VPS54: variants seen among roughly 807,000 people sequenced by gnomAD.
VPS54 encodes the protein vacuolar protein sorting-associated protein 54.
Under a neutral mutation model 121.5 loss-of-function variants are expected in VPS54, and 45 were observed. That is an observed-to-expected ratio of 0.37 (90% CI 0.29 to 0.47). The LOEUF (loss-of-function observed/expected upper bound fraction) is 0.47. VPS54 is among the 20% of genes least tolerant of loss of function. The pLI, the probability that VPS54 is intolerant of heterozygous loss-of-function variation, is 0.99. For missense variants in VPS54, 1,090 were observed against 1,131.4 expected (o/e 0.96, Z 0.52); for synonymous variants, 371 against 385.8 (o/e 0.96, Z 0.45).
intron 4 of VPS54, among the ~76,000 whole-genome samples, chr2:63,970,631 T>C (rs1480490411): frequency 6.6e-6 from 1 of 152,182 alleles, no homozygotes; most frequent in East Asian, 1.9e-4. Flanking sequence ...TCCCGAACTA[T>C]TCTGACATTA....
chr2:63,994,090 C>T (rs1677465338), intron 1 of VPS54, among the ~76,000 whole-genome samples: 1 of 152,144 alleles, frequency 6.6e-6, no homozygotes, highest in Admixed American at 6.5e-5. Context: ...TCTGTGCCAA[C>T]TCCTTAGAAG....
chr2:63,944,526 C>T (rs1674887869), intron 10 of VPS54, 74 bp downstream of exon 10: 6 of 1,406,420 alleles, frequency 4.3e-6, no homozygotes, highest in African/African-American at 1.4e-5. Flanking sequence ...ACGAAATCTA[C>T]TTCGAATTAT....
intron 1 of VPS54, among the ~76,000 whole-genome samples, chr2:63,986,552 T>C (rs557258732): frequency 3.9e-4 from 60 of 152,370 alleles, no homozygotes; most frequent in African/African-American, 1.4e-3. Flanking sequence ...CTATTGTGAA[T>C]ACTGCTGCAA....
chr2:63,942,595 T>C, intron 10 of VPS54, 34 bp from the exon 11 acceptor site: 3 of 1,510,714 alleles, frequency 2.0e-6, no homozygotes, highest in Non-Finnish European at 2.7e-6. Context: ...AAATAATGAT[T>C]GTCTCTGGGC....
At chr2:63,918,787 T>C (rs1339591358) in intron 15 of VPS54, among the ~76,000 whole-genome samples, 2 of 151,998 alleles carry the variant, frequency 1.3e-5, no homozygotes, top group African/African-American at 4.8e-5. Flanking sequence ...TTAGCTACTA[T>C]TTCATCACTC....
rs1676929875 is a variant in VPS54, at chr2:63,984,078, CAT to C, written c.-20-61_-20-60del. On this transcript the variant is annotated intron_variant, in intron 1 of 22. Coordinates refer to ENST00000272322, the MANE Select transcript of VPS54 (RefSeq NM_016516.3). Reference sequence around the variant, plus strand: ...CGCAAATCAAAATCCAAGTATTATACATGTCACAAATTTTCTTTCAAAAGCAA... The same window carrying C: ...CGCAAATCAAAATCCAAGTATTATACGTCACAAATTTTCTTTCAAAAGCAA... 8 of 1,363,082 alleles carry C rather than the reference CAT, an allele frequency of 5.9e-6. No individual in the cohort carries two copies. In the South Asian group the frequency reaches 1.6e-4, roughly 28 times the overall value. 84.4% of individuals were successfully genotyped at this position (1,363,082 alleles called of 1,614,324 possible).
chr2:64,005,961 C>G (rs1398544977), intron 1 of VPS54, among the ~76,000 whole-genome samples: 1 of 152,002 alleles, frequency 6.6e-6, no homozygotes, highest in East Asian at 1.9e-4. Flanking sequence ...TATGAGGAAA[C>G]AATGAGACAA....
At chr2:64,003,453 A>G (rs570702149) in intron 1 of VPS54, among the ~76,000 whole-genome samples, 1 of 152,140 alleles carries the variant, frequency 6.6e-6, no homozygotes, top group Admixed American at 6.5e-5. Flanking sequence ...TTTTTGCATC[A>G]ATCATACTGA....
intron 1 of VPS54, among the ~76,000 whole-genome samples, chr2:63,995,527 C>T (rs1337761219): frequency 6.6e-6 from 1 of 152,242 alleles, no homozygotes; most frequent in Non-Finnish European, 1.5e-5. Flanking sequence ...ACAGTCACTG[C>T]AATGGCCACC....
In VPS54 at chr2:63,939,813, T is replaced by C. The variant is rs943262674; in HGVS notation, c.1398+2652A>G. On this transcript the variant is annotated intron_variant, in intron 11 of 22. Transcript: ENST00000272322. ...GTCTTGCTCCGTCACCAGGCTGGAG[T>C]ACAGTAGCACCATCTTGGCTCACTG... 2.0e-5 allele frequency among the ~76,000 whole-genome samples: 3 copies of C among 151,588 alleles called. No homozygotes were observed. In the East Asian group the frequency reaches 5.8e-4, roughly 29 times the overall value.
rs745883542 is a variant in VPS54 at position 63,897,482 on chromosome 2, G to C, written c.2828+14C>G. On this transcript the variant is annotated intron_variant, in intron 22 of 22. Transcript: ENST00000272322. ...CGATATGGGAGTATATGGTGAAAAC[G>C]TTAAAAAACATACCCATTTTGAGGT... The C allele has an allele frequency of 6.5e-6, 10 of 1,535,636 alleles. No individual in the cohort carries two copies. Among genetic ancestry groups the C allele is most frequent in the Non-Finnish European group, 8.0e-6 (9 of 1,123,872 alleles).
At chr2:64,005,107 T>A (rs1178904905) in intron 1 of VPS54, among the ~76,000 whole-genome samples, 1 of 110,912 alleles carries the variant, frequency 9.0e-6, no homozygotes, top group Non-Finnish European at 1.9e-5. Context: ...TTTTTTTTTT[T>A]TTTTTTTTTT....
intron 6 of VPS54, among the ~76,000 whole-genome samples, chr2:63,963,613 T>A (rs1675863513): frequency 6.6e-6 from 1 of 152,140 alleles, no homozygotes; most frequent in African/African-American, 2.4e-5. Context: ...ATATCTTCAA[T>A]AATGCTCCTT....
In VPS54 at chr2:63,893,554, A is replaced by T. The variant is rs761581571; in HGVS notation, c.2829-19T>A. Reference sequence around the variant, plus strand: ...GACCAACCTAAATAATGGAGAGAAAATTATTTTTTAAATCTCAAACTTTCT... The same window carrying T: ...GACCAACCTAAATAATGGAGAGAAATTTATTTTTTAAATCTCAAACTTTCT... On this transcript the variant is annotated intron_variant, in intron 22 of 22. Coordinates refer to ENST00000272322, the MANE Select transcript of VPS54 (RefSeq NM_016516.3). The T allele has an allele frequency of 6.3e-7, 1 of 1,594,262 alleles. No homozygotes were observed. Among genetic ancestry groups the T allele is most frequent in the Non-Finnish European group, 8.6e-7 (1 of 1,168,586 alleles).
chr2:63,944,263 G>C (rs2104514962), intron 10 of VPS54, among the ~76,000 whole-genome samples: 1 of 152,160 alleles, frequency 6.6e-6, no homozygotes, highest in South Asian at 2.1e-4. Flanking sequence ...CTAACATGTG[G>C]GCCTGGCCAT....
chr2:63,976,537 T>C (rs2104599567), intron 3 of VPS54, among the ~76,000 whole-genome samples: 2 of 152,246 alleles, frequency 1.3e-5, no homozygotes, highest in South Asian at 4.1e-4. Flanking sequence ...TACTGAAATG[T>C]TTGGTAGAAT....
chr2:63,980,624 C>G (rs530114274), intron 3 of VPS54, among the ~76,000 whole-genome samples: 2 of 151,984 alleles, frequency 1.3e-5, no homozygotes, highest in African/African-American at 4.8e-5. Flanking sequence ...TTGTTAAACC[C>G]CTTGCTAAAA....
At chr2:64,011,302 T>C (rs998497640) in intron 1 of VPS54, among the ~76,000 whole-genome samples, 1 of 152,158 alleles carries the variant, frequency 6.6e-6, no homozygotes, top group Admixed American at 6.5e-5. Flanking sequence ...GCACGGTGGC[T>C]CATGCCTGTA....
rs1455987259 is a variant in VPS54, at chr2:63,919,852, T to C, written c.2164+31A>G. On this transcript the variant is annotated intron_variant, in intron 15 of 22. Transcript: ENST00000272322. ...ACAAAATAAATAAACAATATAAAAT[T>C]GAAAGAGAATGTGTGAATGAATACA... is the stretch of plus-strand genomic sequence containing the variant. The C allele has an allele frequency of 2.0e-6, 3 of 1,493,228 alleles. No individual in the cohort carries two copies. In the African/African-American group the frequency reaches 4.2e-5, roughly 21 times the overall value. 92.5% of individuals were successfully genotyped at this position (1,493,228 alleles called of 1,614,324 possible). A position where few individuals can be genotyped will look rare whatever the true frequency, so the allele number is the denominator to read the frequency against.
Sources: allele counts gnomAD v4.1 joint callset (sites outside exome capture counted in the v4.1 genomes callset), GRCh38; gene constraint gnomAD v4.1.1; transcripts MANE v1.5; gene names NCBI Gene and HGNC (gene_info 2026-07-23, HGNC 2026-07-21).